AVL9: variants seen among roughly 807,000 people sequenced by gnomAD.
AVL9 encodes the protein AVL9 cell migration associated.
AVL9 carries 49 observed loss-of-function variants against 79.2 expected under a neutral mutation model. The ratio of observed to expected loss-of-function variants is 0.62; its 90% confidence interval spans 0.49 to 0.79. AVL9 has a LOEUF of 0.79. Among genes scored for constraint, AVL9 ranks in the 30% least tolerant of loss-of-function variants. AVL9 has a pLI of 0.00. For missense variants in AVL9, 682 were observed against 776.8 expected (o/e 0.88, Z 1.45); for synonymous variants, 299 against 280.6 (o/e 1.07, Z -0.65).
At chr7:32,525,017 C>T (rs192533567) in intron 1 of AVL9, among the ~76,000 whole-genome samples, 4 of 152,302 alleles carry the variant, frequency 2.6e-5, no homozygotes, top group East Asian at 1.9e-4. Context: ...TACCCTAGGA[C>T]TGTTTCTAAC....
intron 4 of AVL9, among the ~76,000 whole-genome samples, chr7:32,549,248 A>C (rs1789689472): frequency 1.3e-5 from 2 of 149,292 alleles, no homozygotes; most frequent in Non-Finnish European, 3.0e-5. Context: ...TTTTTGAGAC[A>C]GAGTCTCACT....
chr7:32,572,421 G>A (rs11762937), intron 11 of AVL9, among the ~76,000 whole-genome samples: 79,132 of 142,100 alleles, frequency 0.56, 20,791 homozygotes, highest in Middle Eastern at 0.66. Context: ...TGGTGGGTTC[G>A]TAGGAATTTC....
chr7:32,495,830 A>G (rs890148103), intron 1 of AVL9, 28 bp downstream of exon 1: 1 of 1,244,998 alleles, frequency 8.0e-7, no homozygotes, highest in Non-Finnish European at 1.0e-6. Flanking sequence ...CCCCGCCCCC[A>G]GCCGTTCGGG....
chr7:32,543,060 G>T, intron 1 of AVL9, 81 bp from the exon 2 acceptor site: 1 of 1,565,534 alleles, frequency 6.4e-7, no homozygotes. Flanking sequence ...GTCATTCAGG[G>T]TTTAAAAGCA....
Position 32,588,432 on chromosome 7 carries a change from A to G in AVL9, c.*4525A>G, listed in dbSNP as rs1163732677. ...TTTAGTGGTTACAAAAACAGTTTAAATATTTATGATTAAAGGCTTTTCACA... is the reference window on the plus strand; with the variant it reads ...TTTAGTGGTTACAAAAACAGTTTAAGTATTTATGATTAAAGGCTTTTCACA... On this transcript the variant is annotated 3_prime_UTR_variant, in exon 16 of 16. Transcript: ENST00000318709. The G allele has an allele frequency of 6.6e-6, 1 of 152,218 alleles. No individual in the cohort carries two copies. The highest frequency in any genetic ancestry group is 1.5e-5 in the Non-Finnish European group (1 of 68,036). The allele number at this position is 152,218 out of a possible 1,614,324, so 9.4% of individuals were successfully genotyped here.
At chr7:32,528,687 G>T (rs190727866) in intron 1 of AVL9, among the ~76,000 whole-genome samples, 2 of 152,224 alleles carry the variant, frequency 1.3e-5, no homozygotes, top group South Asian at 2.1e-4. Flanking sequence ...ATAAGTCAAA[G>T]ATGTTAATCA....
At chr7:32,532,172 A>C (rs1440635290) in intron 1 of AVL9, 1 of 152,188 alleles carries the variant, frequency 6.6e-6, no homozygotes, top group Non-Finnish European at 1.5e-5. Context: ...GCCATCTCCA[A>C]CCAGATTCTT....
chr7:32,505,169 C>T (rs905273444), intron 1 of AVL9, among the ~76,000 whole-genome samples: 3 of 151,496 alleles, frequency 2.0e-5, no homozygotes, highest in East Asian at 1.9e-4. Context: ...TCACTGCACC[C>T]GGCCTGATCT....
intron 2 of AVL9, 70 bp from the exon 3 acceptor site, chr7:32,544,624 C>T: frequency 9.4e-7 from 1 of 1,059,696 alleles, no homozygotes; most frequent in Non-Finnish European, 1.4e-6. Flanking sequence ...ATTATGATAG[C>T]TTCAGATTAT....
intron 11 of AVL9, among the ~76,000 whole-genome samples, chr7:32,570,462 T>G (rs938970926): frequency 6.6e-6 from 1 of 152,172 alleles, no homozygotes; most frequent in African/African-American, 2.4e-5. Context: ...GGCCTACCAC[T>G]ACCTCATGAT....
At chr7:32,556,252 C>T (rs557936260) in intron 8 of AVL9, among the ~76,000 whole-genome samples, 2 of 152,080 alleles carry the variant, frequency 1.3e-5, no homozygotes, top group South Asian at 2.1e-4. Context: ...CAGTGGCTCA[C>T]GCCTGTAATC....
intron 1 of AVL9, among the ~76,000 whole-genome samples, chr7:32,511,347 C>T (rs946773325): frequency 6.6e-6 from 1 of 151,444 alleles, no homozygotes; most frequent in Non-Finnish European, 1.5e-5. Flanking sequence ...ATCCACAGTC[C>T]TGGCACTTCT....
chr7:32,525,145 C>T (rs948072352), intron 1 of AVL9, among the ~76,000 whole-genome samples: 3 of 152,086 alleles, frequency 2.0e-5, no homozygotes, highest in Non-Finnish European at 2.9e-5. Flanking sequence ...CTCTGGCTAA[C>T]GAAGGGTCAA....
At chr7:32,583,141 T>G (rs866246712) in intron 15 of AVL9, among the ~76,000 whole-genome samples, 1 of 152,212 alleles carries the variant, frequency 6.6e-6, no homozygotes, top group South Asian at 2.1e-4. Context: ...GGTTATTGAT[T>G]ATCAAGTTGG....
At chr7:32,514,738 CA>C (rs1419272147) in intron 1 of AVL9, among the ~76,000 whole-genome samples, 1 of 152,184 alleles carries the variant, frequency 6.6e-6, no homozygotes, top group Non-Finnish European at 1.5e-5. Context: ...TCGTGACCCC[CA>C]CTCCTACCCG....
chr7:32,585,820 C>CTGTT lies in AVL9; in HGVS notation c.*1916_*1919dup, dbSNP rs1190806875. 6.6e-6 allele frequency: 1 copy of CTGTT among 151,624 alleles called. No individual in the cohort carries two copies. Among genetic ancestry groups the CTGTT allele is most frequent in the Non-Finnish European group, 1.5e-5 (1 of 68,038 alleles). The allele number at this position is 151,624 out of a possible 1,614,324, so 9.4% of individuals were successfully genotyped here. ...CCAAGAAAGTTAACCTCAGGAAATGCTGTTTGAAGAGAAGAAAGTAGTACC... is the reference window on the plus strand; with the variant it reads ...CCAAGAAAGTTAACCTCAGGAAATGCTGTTTGTTTGAAGAGAAGAAAGTAGTACC... On this transcript the variant is annotated 3_prime_UTR_variant, in exon 16 of 16. Coordinates refer to ENST00000318709, the MANE Select transcript of AVL9 (RefSeq NM_015060.3).
At chr7:32,532,590 C>G (rs1788711229) in intron 1 of AVL9, 2 of 152,176 alleles carry the variant, frequency 1.3e-5, no homozygotes, top group African/African-American at 4.8e-5. Flanking sequence ...TACACATTAT[C>G]TATTTTCATG....
chr7:32,545,919 G>T (rs1789475462), intron 3 of AVL9, among the ~76,000 whole-genome samples: 1 of 152,054 alleles, frequency 6.6e-6, no homozygotes, highest in Admixed American at 6.6e-5. Context: ...AGGATGAGTG[G>T]GTCTGCCCCC....
At chr7:32,509,876 G>T (rs998792376) in intron 1 of AVL9, among the ~76,000 whole-genome samples, 2 of 151,988 alleles carry the variant, frequency 1.3e-5, no homozygotes, top group Admixed American at 1.3e-4. Flanking sequence ...TCTAGAAAAA[G>T]GTAATCTCTA....
Sources: gnomAD v4.1 joint callset for allele counts (sites outside exome capture counted in the v4.1 genomes callset) on GRCh38, gnomAD v4.1.1 for gene constraint, MANE v1.5 for transcripts, NCBI Gene and HGNC (gene_info 2026-07-23, HGNC 2026-07-21) for gene names.